CTNNA3: variants seen among roughly 807,000 people sequenced by gnomAD.
The protein encoded by CTNNA3 is catenin alpha 3.
Under a neutral mutation model 95.7 loss-of-function variants are expected in CTNNA3, and 76 were observed. The ratio of observed to expected loss-of-function variants is 0.79; its 90% CI spans 0.66 to 0.96. The LOEUF is 0.96. Among genes scored for constraint, CTNNA3 ranks in the 40% least tolerant of loss-of-function variants. The pLI is 0.00. For synonymous variants in CTNNA3, 431 were observed against 374.4 expected, an observed-to-expected ratio of 1.15 and a Z score of -1.74; for missense variants, 1,191 against 1,089.8, an observed-to-expected ratio of 1.09 and a Z score of -1.31.
chr10:66,891,548 A>T (rs1845269930), intron 7 of CTNNA3, among the ~76,000 whole-genome samples: 1 of 151,424 alleles, frequency 6.6e-6, no homozygotes, highest in Admixed American at 6.6e-5. Flanking sequence ...GTTTTATCCT[A>T]AAAAAACTAG....
At chr10:66,253,452 G>A (rs1331787148) in intron 13 of CTNNA3, among the ~76,000 whole-genome samples, 1 of 151,752 alleles carries the variant, frequency 6.6e-6, no homozygotes. Flanking sequence ...ATGGCCACTG[G>A]AATCCTTCTA....
At chr10:66,491,785 C>T (rs888118989) in intron 11 of CTNNA3, among the ~76,000 whole-genome samples, 4 of 152,076 alleles carry the variant, frequency 2.6e-5, no homozygotes, top group African/African-American at 9.7e-5. Context: ...AGAAAAAGTG[C>T]TTCCCTTTGT....
chr10:66,980,303 G>C (rs1044382430), intron 7 of CTNNA3, among the ~76,000 whole-genome samples: 1 of 152,120 alleles, frequency 6.6e-6, no homozygotes, highest in African/African-American at 2.4e-5. Flanking sequence ...AGTCAACAAA[G>C]ATAATTCTTT....
At chr10:66,936,903 T>C (rs1268883164) in intron 7 of CTNNA3, among the ~76,000 whole-genome samples, 1 of 152,084 alleles carries the variant, frequency 6.6e-6, no homozygotes, top group Non-Finnish European at 1.5e-5. Flanking sequence ...GAAAGTTATA[T>C]ATTAAGAGCA....
chr10:67,654,086 C>G (rs113059886), intron 1 of CTNNA3, among the ~76,000 whole-genome samples: 27 of 152,252 alleles, frequency 1.8e-4, no homozygotes, highest in African/African-American at 6.0e-4. Flanking sequence ...CCCTCAAGTG[C>G]AAGACAGCCA....
At chr10:67,071,900 T>C (rs1856489263) in intron 7 of CTNNA3, among the ~76,000 whole-genome samples, 1 of 152,220 alleles carries the variant, frequency 6.6e-6, no homozygotes, top group Admixed American at 6.5e-5. Flanking sequence ...TAATTTCAGA[T>C]AGAGGTAGGA....
intron 9 of CTNNA3, among the ~76,000 whole-genome samples, chr10:66,711,272 A>AAAT (rs1248593985): frequency 1.3e-5 from 2 of 151,488 alleles, no homozygotes; most frequent in African/African-American, 4.8e-5. Context: ...AAAAAAAAAA[A>AAAT]AAAAGTAAGA....
intron 12 of CTNNA3, among the ~76,000 whole-genome samples, chr10:66,319,552 T>C (rs7072330): frequency 0.5 from 75,940 of 151,912 alleles, 20,300 homozygotes; most frequent in Non-Finnish European, 0.6. Context: ...TTCTAGAACA[T>C]AGAATATGAA....
At chr10:66,555,368 A>C (rs1016356479) in intron 10 of CTNNA3, among the ~76,000 whole-genome samples, 1 of 152,158 alleles carries the variant, frequency 6.6e-6, no homozygotes, top group Non-Finnish European at 1.5e-5. Context: ...TGTTAAAAAA[A>C]CAGAATGCCC....
chr10:66,365,523 C>T (rs1232797705), intron 12 of CTNNA3, among the ~76,000 whole-genome samples: 6 of 152,052 alleles, frequency 3.9e-5, no homozygotes, highest in African/African-American at 1.4e-4. Flanking sequence ...TAACCCAGAA[C>T]TTAAAGTATA....
rs182649654 is a variant in CTNNA3, at chr10:67,757,451, T to A, written c.-2+5983A>T. Reference sequence around the variant, plus strand: ...CAAAGGAGATAAATATTTGAGTCAGTGGACTGAGAGAGGCAGACCCACCCT... The same window carrying A: ...CAAAGGAGATAAATATTTGAGTCAGAGGACTGAGAGAGGCAGACCCACCCT... On this transcript the variant is annotated intron_variant, in intron 1 of 17. Coordinates refer to the CTNNA3 transcript ENST00000684154. 1.2e-4 allele frequency among the ~76,000 whole-genome samples: 18 copies of A among 152,252 alleles called. No homozygotes were observed. The East Asian group carries it at 2.7e-3, about 23-fold the overall frequency.
intron 7 of CTNNA3, among the ~76,000 whole-genome samples, chr10:66,897,117 C>A (rs540168475): frequency 4.6e-5 from 7 of 152,052 alleles, no homozygotes; most frequent in Non-Finnish European, 1.0e-4. Context: ...AGGTCTCATG[C>A]TTAAAATGTC....
At chr10:66,601,279 A>G in intron 10 of CTNNA3, among the ~76,000 whole-genome samples, 1 of 151,774 alleles carries the variant, frequency 6.6e-6, no homozygotes, top group East Asian at 1.9e-4. Flanking sequence ...TGAGAAATTG[A>G]AAAAAAAGTA....
At chr10:67,141,130 A>G (rs564605281) in intron 7 of CTNNA3, among the ~76,000 whole-genome samples, 111 of 152,304 alleles carry the variant, frequency 7.3e-4, no homozygotes, top group Admixed American at 1.6e-3. Context: ...TGGTGATCAG[A>G]GCCAGAAAAA....
At chr10:67,146,198 A>G (rs10822984) in intron 7 of CTNNA3, among the ~76,000 whole-genome samples, 79,128 of 152,034 alleles carry the variant, frequency 0.52, 20,768 homozygotes, top group Middle Eastern at 0.66. Context: ...CAAGACTTAG[A>G]AAAAGCAAAC....
chr10:67,001,323 G>GA (rs1851680049), intron 7 of CTNNA3, among the ~76,000 whole-genome samples: 3 of 147,166 alleles, frequency 2.0e-5, no homozygotes, highest in Non-Finnish European at 3.0e-5. Flanking sequence ...GAAAAAAAAA[G>GA]AGAAAAAAAT....
chr10:67,253,816 G>T (rs1432340412), intron 5 of CTNNA3, among the ~76,000 whole-genome samples: 2 of 152,102 alleles, frequency 1.3e-5, no homozygotes, highest in Non-Finnish European at 2.9e-5. Flanking sequence ...CCAAATTCTG[G>T]GTTTTATGGG....
rs117846012 is a variant in CTNNA3 at position 66,174,575 on chromosome 10, C to T, written c.1885-71326G>A. 4.3e-3 allele frequency among the ~76,000 whole-genome samples: 651 copies of T among 152,000 alleles called. 12 individuals are homozygous for T. The highest frequency in any genetic ancestry group is 0.033 in the East Asian group (169 of 5,142). On this transcript the variant is annotated intron_variant, in intron 13 of 17. Coordinates refer to ENST00000433211, the MANE Select transcript of CTNNA3 (RefSeq NM_013266.4). ...CATGGGTTTGAACTATGTGGGTCCA[C>T]TTATATGTCAACTTTTTTTCAACCA... is the stretch of plus-strand genomic sequence containing the variant.
intron 7 of CTNNA3, among the ~76,000 whole-genome samples, chr10:67,129,447 G>A (rs1186656661): frequency 2.6e-5 from 4 of 152,140 alleles, no homozygotes; most frequent in East Asian, 1.9e-4. Flanking sequence ...TGACACTATA[G>A]CTTATTAACC....
Sources: gnomAD v4.1 joint callset for allele counts (sites outside exome capture counted in the v4.1 genomes callset) on GRCh38, gnomAD v4.1.1 for gene constraint, MANE v1.5 for transcripts, NCBI Gene and HGNC (gene_info 2026-07-23, HGNC 2026-07-21) for gene names.